The following GRM8 variants were observed in gnomAD, a reference collection of about 807,000 sequenced individuals.
The protein encoded by GRM8 is glutamate metabotropic receptor 8.
In GRM8, 47 loss-of-function variants were observed where a neutral mutation model predicts 87.2. That is an observed-to-expected ratio of 0.54 (90% confidence interval 0.43 to 0.69). GRM8 has a LOEUF of 0.69. Ranked by LOEUF, GRM8 falls within the 30% of genes least tolerant of loss-of-function variation. The pLI is 0.00. For synonymous variants in GRM8, 396 were observed against 404.5 expected (o/e 0.98, Z 0.25); for missense variants, 1,019 against 1,139.2 (o/e 0.89, Z 1.52).
At chr7:126,559,664 C>G (rs1793505057) in intron 8 of GRM8, among the ~76,000 whole-genome samples, 1 of 152,136 alleles carries the variant, frequency 6.6e-6, no homozygotes, top group African/African-American at 2.4e-5. Flanking sequence ...AAGTGGTGGA[C>G]AGTGTGTTTA....
In GRM8 at chr7:127,137,259, T is replaced by G. The variant is rs574291841; in HGVS notation, c.511-30547A>C. On this transcript the variant is annotated intron_variant, in intron 2 of 10. Coordinates refer to ENST00000339582, the MANE Select transcript of GRM8 (RefSeq NM_000845.3). ...CACACATTCCATATAGTCAGGTCAT[T>G]AGCACAATGCCAGAGAGTAGGCACT... Among the ~76,000 whole-genome samples, 11 of 152,054 alleles carry G rather than the reference T, an allele frequency of 7.2e-5. No homozygotes were observed. The South Asian group carries it at 1.9e-3, about 26-fold the overall frequency.
chr7:127,064,075 T>G (rs1820873009), intron 3 of GRM8, among the ~76,000 whole-genome samples: 1 of 152,256 alleles, frequency 6.6e-6, no homozygotes, highest in African/African-American at 2.4e-5. Context: ...ATGTGCCATT[T>G]GGCAATGAGA....
chr7:126,862,550 G>A (rs966213080), intron 6 of GRM8, among the ~76,000 whole-genome samples: 4 of 151,676 alleles, frequency 2.6e-5, no homozygotes, highest in African/African-American at 9.7e-5. Context: ...TAACTTTATT[G>A]CATAGGCTAG....
chr7:127,130,802 T>C (rs1294914771), intron 2 of GRM8, among the ~76,000 whole-genome samples: 1 of 152,150 alleles, frequency 6.6e-6, no homozygotes, highest in Non-Finnish European at 1.5e-5. Context: ...GCTGTTTTTA[T>C]GATAGTGAGA....
chr7:126,962,220 A>G (rs1332649200), intron 3 of GRM8, among the ~76,000 whole-genome samples: 6 of 152,194 alleles, frequency 3.9e-5, no homozygotes, highest in Non-Finnish European at 1.5e-5. Flanking sequence ...CTGTAAGGGT[A>G]GGTATTAGGG....
chr7:126,455,918 A>C (rs1236066502), intron 9 of GRM8, among the ~76,000 whole-genome samples: 1 of 151,724 alleles, frequency 6.6e-6, no homozygotes, highest in African/African-American at 2.4e-5. Context: ...TAATATAAAC[A>C]TACAAAAATA....
intron 6 of GRM8, among the ~76,000 whole-genome samples, chr7:126,770,695 C>T (rs527647031): frequency 6.6e-6 from 1 of 152,082 alleles, no homozygotes; most frequent in East Asian, 1.9e-4. Flanking sequence ...TGTGTTTGGG[C>T]ATATTTAGGG....
chr7:126,678,145 A>G (rs1238890405), intron 7 of GRM8, among the ~76,000 whole-genome samples: 1 of 152,224 alleles, frequency 6.6e-6, no homozygotes, highest in South Asian at 2.1e-4. Flanking sequence ...ACTCAAAAAA[A>G]TAAGATTTTA....
chr7:127,087,320 TC>T (rs1163647142), intron 3 of GRM8, among the ~76,000 whole-genome samples: 3 of 152,212 alleles, frequency 2.0e-5, no homozygotes, highest in African/African-American at 7.2e-5. Flanking sequence ...ATGAGACTTT[TC>T]ATATATTTAG....
At chr7:127,153,096 C>T (rs1478365393) in intron 2 of GRM8, among the ~76,000 whole-genome samples, 1 of 152,090 alleles carries the variant, frequency 6.6e-6, no homozygotes, top group Non-Finnish European at 1.5e-5. Context: ...TAAATGATTA[C>T]ACAACCTGCT....
intron 3 of GRM8, among the ~76,000 whole-genome samples, chr7:127,054,470 G>A (rs1819791413): frequency 6.6e-6 from 1 of 152,144 alleles, no homozygotes; most frequent in Admixed American, 6.5e-5. Context: ...GGGGTTATTA[G>A]TCTGTTTGGT....
intron 7 of GRM8, among the ~76,000 whole-genome samples, chr7:126,724,192 G>T (rs1812722628): frequency 6.6e-6 from 1 of 152,104 alleles, no homozygotes; most frequent in Non-Finnish European, 1.5e-5. Context: ...TTAGCTAATT[G>T]TTCACCAAAC....
chr7:126,519,551 C>T (rs1199754672), intron 9 of GRM8, among the ~76,000 whole-genome samples: 1 of 152,026 alleles, frequency 6.6e-6, no homozygotes. Flanking sequence ...TCAAGCTCCA[C>T]GATGGCAGGC....
At chr7:126,507,082 G>A (rs979931135) in intron 9 of GRM8, among the ~76,000 whole-genome samples, 5 of 151,960 alleles carry the variant, frequency 3.3e-5, no homozygotes, top group South Asian at 2.1e-4. Flanking sequence ...TTTACTTTCC[G>A]CAAGTAATTT....
chr7:127,181,595 A>G (rs1794437866), intron 2 of GRM8, among the ~76,000 whole-genome samples: 1 of 152,148 alleles, frequency 6.6e-6, no homozygotes, highest in South Asian at 2.1e-4. Flanking sequence ...ATTTCAAACT[A>G]TACTATAAGG....
At chr7:127,207,269 A>G (rs1484716436) in intron 2 of GRM8, among the ~76,000 whole-genome samples, 4 of 151,942 alleles carry the variant, frequency 2.6e-5, no homozygotes, top group African/African-American at 9.7e-5. Context: ...AACCATCAGA[A>G]CCCTTATTTT....
chr7:126,722,136 A>G (rs1180083246), intron 7 of GRM8, among the ~76,000 whole-genome samples: 3 of 152,156 alleles, frequency 2.0e-5, no homozygotes, highest in African/African-American at 7.2e-5. Context: ...GGCGTCATAA[A>G]AATTTTTAAT....
intron 6 of GRM8, among the ~76,000 whole-genome samples, chr7:126,887,907 C>T (rs1800653393): frequency 6.6e-6 from 1 of 151,990 alleles, no homozygotes; most frequent in Non-Finnish European, 1.5e-5. Flanking sequence ...TTCCTGGACT[C>T]TACTGAAATA....
At chr7:126,447,771 A>C (rs956686302) in intron 9 of GRM8, among the ~76,000 whole-genome samples, 1 of 151,966 alleles carries the variant, frequency 6.6e-6, no homozygotes, top group African/African-American at 2.4e-5. Flanking sequence ...GGCACAAGTT[A>C]AGAAACTGTC....
Sources: allele counts gnomAD v4.1 joint callset (sites outside exome capture counted in the v4.1 genomes callset), GRCh38; gene constraint gnomAD v4.1.1; transcripts MANE v1.5; gene names NCBI Gene and HGNC (gene_info 2026-07-23, HGNC 2026-07-21).